The following DLGAP2 variants were observed in gnomAD, a reference collection of about 807,000 sequenced individuals.
DLGAP2 encodes the protein DLG associated protein 2.
In DLGAP2, 26 loss-of-function variants were observed where a neutral mutation model predicts 100.3. The ratio of observed to expected loss-of-function variants is 0.26; its 90% confidence interval spans 0.19 to 0.36. The LOEUF (loss-of-function observed/expected upper bound fraction) is 0.36. DLGAP2 is among the 10% of genes least tolerant of loss of function. The pLI, the probability that DLGAP2 is intolerant of heterozygous loss-of-function variation, is 1.00. For missense variants in DLGAP2, 1,858 were observed against 1,453.2 expected, an observed-to-expected ratio of 1.28 and a Z score of -4.53; for synonymous variants, 886 against 630.1, an observed-to-expected ratio of 1.41 and a Z score of -6.08.
intron 8 of DLGAP2, among the ~76,000 whole-genome samples, chr8:1,645,405 A>G (rs565411795): frequency 6.6e-6 from 1 of 152,212 alleles, no homozygotes; most frequent in African/African-American, 2.4e-5. Context: ...TTATGAGCTT[A>G]TTAGGAGTAG....
intron 2 of DLGAP2, among the ~76,000 whole-genome samples, chr8:1,102,863 G>A (rs1804630296): frequency 2.0e-5 from 3 of 152,038 alleles, no homozygotes; most frequent in Admixed American, 1.3e-4. Flanking sequence ...GGGTCTTTGT[G>A]AGTCTCTGGG....
intron 2 of DLGAP2, among the ~76,000 whole-genome samples, chr8:1,141,614 G>T (rs1302375653): frequency 6.6e-6 from 1 of 152,084 alleles, no homozygotes; most frequent in Non-Finnish European, 1.5e-5. Flanking sequence ...TTTTCCTGTG[G>T]ACATACTCAA....
At chr8:1,516,330 A>G (rs1800378642) in intron 4 of DLGAP2, among the ~76,000 whole-genome samples, 1 of 151,980 alleles carries the variant, frequency 6.6e-6, no homozygotes, top group South Asian at 2.1e-4. Flanking sequence ...GGAGTGAATG[A>G]GTTCATGAAT....
intron 5 of DLGAP2, among the ~76,000 whole-genome samples, chr8:1,553,487 G>A (rs528740952): frequency 5.3e-5 from 8 of 149,712 alleles, no homozygotes; most frequent in Non-Finnish European, 5.9e-5. Context: ...TGTGCTTGGC[G>A]TGTTCACGGG....
intron 3 of DLGAP2, among the ~76,000 whole-genome samples, chr8:1,361,707 C>T (rs1405325064): frequency 6.6e-6 from 1 of 152,202 alleles, no homozygotes; most frequent in Non-Finnish European, 1.5e-5. Flanking sequence ...CGCGCAAGGC[C>T]CTACACGGTA....
chr8:906,965 G>C (rs1333422245), intron 1 of DLGAP2, among the ~76,000 whole-genome samples: 1 of 152,160 alleles, frequency 6.6e-6, no homozygotes, highest in African/African-American at 2.4e-5. Context: ...GCGGGGAGAG[G>C]GGGGATGGAG....
intron 6 of DLGAP2, among the ~76,000 whole-genome samples, chr8:1,615,378 C>A (rs1037471761): frequency 3.9e-5 from 6 of 152,178 alleles, no homozygotes; most frequent in African/African-American, 1.4e-4. Flanking sequence ...CTCTGCCAGT[C>A]GTGTCCTTTA....
At chr8:1,190,986 C>A (rs1465626755) in intron 2 of DLGAP2, among the ~76,000 whole-genome samples, 4 of 152,096 alleles carry the variant, frequency 2.6e-5, no homozygotes, top group African/African-American at 7.2e-5. Context: ...GAGGCTTGGA[C>A]CAATTCCTCA....
intron 8 of DLGAP2, among the ~76,000 whole-genome samples, chr8:1,646,876 A>C (rs1246992475): frequency 6.6e-6 from 1 of 152,172 alleles, no homozygotes; most frequent in Non-Finnish European, 1.5e-5. Flanking sequence ...AGCGTCGAAA[A>C]CTTTTGTCCC....
chr8:849,297 C>T (rs73181052), intron 1 of DLGAP2, among the ~76,000 whole-genome samples: 5 of 152,098 alleles, frequency 3.3e-5, no homozygotes, highest in East Asian at 1.9e-4. Flanking sequence ...AGTATAGGAA[C>T]GTGCCCATGT....
chr8:750,112 T>G (rs2132571714), intron 1 of DLGAP2, among the ~76,000 whole-genome samples: 1 of 152,342 alleles, frequency 6.6e-6, no homozygotes, highest in Admixed American at 6.5e-5. Flanking sequence ...ACGCTCACAT[T>G]CCTGGGTGGA....
chr8:1,075,437 T>C (rs1803576023), intron 2 of DLGAP2, among the ~76,000 whole-genome samples: 1 of 152,042 alleles, frequency 6.6e-6, no homozygotes, highest in Non-Finnish European at 1.5e-5. Flanking sequence ...AATGGGCTTG[T>C]TTCTGTGGGT....
chr8:763,112 G>A (rs1275932027), intron 1 of DLGAP2, among the ~76,000 whole-genome samples: 1 of 152,078 alleles, frequency 6.6e-6, no homozygotes, highest in Non-Finnish European at 1.5e-5. Flanking sequence ...CTGGAATCCA[G>A]AAATCTGGTG....
intron 3 of DLGAP2, among the ~76,000 whole-genome samples, chr8:1,292,158 G>C (rs1192571220): frequency 1.3e-5 from 2 of 152,186 alleles, no homozygotes; most frequent in Admixed American, 6.5e-5. Flanking sequence ...AGAATCGCTG[G>C]CTTTGGGGGG....
chr8:1,076,507 G>T (rs766635168), intron 2 of DLGAP2, among the ~76,000 whole-genome samples: 1 of 152,240 alleles, frequency 6.6e-6, no homozygotes, highest in African/African-American at 2.4e-5. Flanking sequence ...CCCACACCTG[G>T]GTTGGTCTCG....
intron 6 of DLGAP2, chr8:1,620,296 C>T (rs903520398): frequency 6.6e-5 from 10 of 152,256 alleles, no homozygotes; most frequent in African/African-American, 2.4e-4. Flanking sequence ...TCCTCCTGTC[C>T]CTCGGGTGCC....
chr8:1,486,741 A>G (rs1799244854), intron 3 of DLGAP2, among the ~76,000 whole-genome samples: 1 of 152,244 alleles, frequency 6.6e-6, no homozygotes, highest in African/African-American at 2.4e-5. Flanking sequence ...GAAAACATAA[A>G]TTGCTGAAGG....
At chr8:1,514,002 T>TC (rs1194625003) in intron 4 of DLGAP2, among the ~76,000 whole-genome samples, 3 of 152,138 alleles carry the variant, frequency 2.0e-5, no homozygotes, top group African/African-American at 7.2e-5. Flanking sequence ...CCCCTCCCCT[T>TC]CCCGGGTTAT....
intron 2 of DLGAP2, among the ~76,000 whole-genome samples, chr8:960,233 A>ATTTTTTTTTTTTTTTTT (rs1228650565): frequency 1.2e-4 from 1 of 8,300 alleles, no homozygotes; most frequent in African/African-American, 4.1e-4. Flanking sequence ...TTCCTGAAGT[A>ATTTTTTTTTTTTTTTTT]TATCTTTTTT....
Sources: gnomAD v4.1 joint callset for allele counts (sites outside exome capture counted in the v4.1 genomes callset) on GRCh38, gnomAD v4.1.1 for gene constraint, MANE v1.5 for transcripts, NCBI Gene and HGNC (gene_info 2026-07-23, HGNC 2026-07-21) for gene names.